DECR2: variants seen among roughly 807,000 people sequenced by gnomAD.
DECR2 encodes 2,4-dienoyl-CoA reductase 2.
Under a neutral mutation model 29.2 loss-of-function variants are expected in DECR2, and 34 were observed. The ratio of observed to expected loss-of-function variants is 1.16; its 90% confidence interval spans 0.89 to 1.55. The LOEUF is 1.55. DECR2 is among the 40% of genes most tolerant of loss of function. The probability of loss-of-function intolerance (pLI) is 0.00; values close to 1 mark genes in which losing one functional copy is unlikely to be tolerated. For synonymous variants in DECR2, 224 were observed against 182.7 expected (o/e 1.23, Z -1.82); for missense variants, 485 against 425.3 (o/e 1.14, Z -1.23).
At chr16:403,824 G>A (rs148089076) in intron 1 of DECR2, among the ~76,000 whole-genome samples, 2 of 152,328 alleles carry the variant, frequency 1.3e-5, no homozygotes, top group African/African-American at 4.8e-5. Flanking sequence ...GCGGCAGTGA[G>A]CCGTGATGGT....
intron 2 of DECR2, 168 bp downstream of exon 2, chr16:405,192 C>T (rs2054710540): frequency 3.9e-6 from 3 of 776,060 alleles, no homozygotes; most frequent in South Asian, 1.8e-5. Flanking sequence ...GAGGATTGCC[C>T]TGGGGGGAGT....
chr16:402,369 G>T lies in DECR2; in HGVS notation c.80+326G>T, dbSNP rs550189061. On this transcript the variant is annotated intron_variant, in intron 1 of 8. Coordinates refer to ENST00000219481, the MANE Select transcript of DECR2 (RefSeq NM_020664.4). ...GGCTCTTTTCGAACTCCTGACCTCA[G>T]GTGATCCACCCGCCTCGGCTTCCCA... Among the ~76,000 whole-genome samples, 15 of 151,848 alleles carry T rather than the reference G, an allele frequency of 9.9e-5. No homozygotes were observed. The East Asian group carries it at 1.6e-3, about 16-fold the overall frequency.
At position 404,352 on chromosome 16, in the gene DECR2, C is replaced by T. The variant is rs566478501; in HGVS notation, c.81-604C>T. On this transcript the variant is annotated intron_variant, in intron 1 of 8. Transcript: ENST00000219481. Reference sequence around the variant, plus strand: ...CTCCTGGGTTCAAGTGATTCTCCTGCCTCAGCCTCCCAAGTAGCTGGGATT... The same window carrying T: ...CTCCTGGGTTCAAGTGATTCTCCTGTCTCAGCCTCCCAAGTAGCTGGGATT... 3.4e-3 allele frequency among the ~76,000 whole-genome samples: 513 copies of T among 151,306 alleles called. 4 individuals are homozygous for T. The highest frequency in any genetic ancestry group is 0.012 in the African/African-American group (485 of 41,482).
Position 406,321 on chromosome 16 carries a change from C to G in DECR2, c.150-25C>G, listed in dbSNP as rs199857748. On this transcript the variant is annotated intron_variant, in intron 2 of 8. Coordinates refer to ENST00000219481, the MANE Select transcript of DECR2 (RefSeq NM_020664.4). Reference sequence around the variant, plus strand: ...GGGAGTGCCCCTCGCCCACACTGCCCTCACACCTGCTTCTGGTTTTGCAGG... The same window carrying G: ...GGGAGTGCCCCTCGCCCACACTGCCGTCACACCTGCTTCTGGTTTTGCAGG... 5.0e-6 allele frequency: 8 copies of G among 1,604,490 alleles called. No homozygotes were observed. In the African/African-American group the frequency reaches 8.0e-5, roughly 16 times the overall value.
At chr16:411,729 C>T (rs2141819114) in intron 8 of DECR2, 151 bp downstream of exon 8, 1 of 842,200 alleles carries the variant, frequency 1.2e-6, no homozygotes, top group Middle Eastern at 2.9e-4. Flanking sequence ...TGGGTGCTGC[C>T]CAGTGGGGCT....
chr16:405,629 A>G (rs755607085), intron 2 of DECR2: 8 of 1,298,318 alleles, frequency 6.2e-6, no homozygotes, highest in African/African-American at 6.1e-5. Flanking sequence ...CGAGAAACCA[A>G]AGAACAAGGC....
intron 1 of DECR2, among the ~76,000 whole-genome samples, chr16:402,545 A>G (rs530074491): frequency 1.7e-4 from 26 of 152,226 alleles, no homozygotes; most frequent in African/African-American, 6.0e-4. Flanking sequence ...TTTTCCTGCA[A>G]ACGCCTTGGT....
intron 4 of DECR2, among the ~76,000 whole-genome samples, chr16:409,206 G>C (rs1171905023): frequency 6.7e-6 from 1 of 148,910 alleles, no homozygotes; most frequent in Non-Finnish European, 1.5e-5. Flanking sequence ...GAGTCTTGCT[G>C]TGTCGCCCAG....
intron 3 of DECR2, chr16:407,125 A>T: frequency 8.4e-7 from 1 of 1,194,420 alleles, no homozygotes; most frequent in Non-Finnish European, 1.0e-6. Context: ...CTGGGAGGAG[A>T]GTCTCACCTG....
chr16:410,929 G>C lies in DECR2; in HGVS notation c.557-43G>C. On this transcript the variant is annotated intron_variant, in intron 6 of 8. Coordinates refer to ENST00000219481, the MANE Select transcript of DECR2 (RefSeq NM_020664.4). This position sits in a 1 kb window ranked among gnomAD's most constrained non-coding sequence, Gnocchi z 4.1. ...CTGGCCTTGGCCCTGCGCCCTCGCA[G>C]AGGGCAGAGCGGCCCTTTCATATCC... 6.4e-7 allele frequency: 1 copy of C among 1,557,302 alleles called. No individual in the cohort carries two copies. The highest frequency in any genetic ancestry group is 2.4e-5 in the East Asian group (1 of 41,768).
chr16:405,866 G>C (rs755808798), intron 2 of DECR2, among the ~76,000 whole-genome samples: 1 of 152,204 alleles, frequency 6.6e-6, no homozygotes, highest in South Asian at 2.1e-4. Context: ...GTGCTCTTTC[G>C]CAAGAACAGT....
rs776994016 is a variant in DECR2, at chr16:405,333, C to T, written c.149+309C>T. 17 of 545,206 alleles carry T rather than the reference C, an allele frequency of 3.1e-5. No homozygotes were observed. In the East Asian group the frequency reaches 4.5e-4, roughly 15 times the overall value. The allele number at this position is 545,206 out of a possible 1,614,324, so 33.8% of individuals were successfully genotyped here. A position where few individuals can be genotyped will look rare whatever the true frequency, so the allele number is the denominator to read the frequency against. ...CTGCAGAGCACATTTTCTCCTGGGA[C>T]ACAATTCTGTGGCTTCAGGCCAGGG... On this transcript the variant is annotated intron_variant, in intron 2 of 8. Transcript: ENST00000219481.
chr16:407,796 G>GTCTCCGGGC (rs1567340476), intron 4 of DECR2, among the ~76,000 whole-genome samples: 1 of 81,786 alleles, frequency 1.2e-5, no homozygotes. Flanking sequence ...CTGTCTCCGG[G>GTCTCCGGGC]CTCTGTCTCC....
intron 4 of DECR2, among the ~76,000 whole-genome samples, chr16:408,934 C>G (rs1456341021): frequency 6.6e-6 from 1 of 151,296 alleles, no homozygotes; most frequent in African/African-American, 2.4e-5. Context: ...CGGGTTCAAG[C>G]AATTCTCCCG....
At chr16:407,312 G>A in intron 3 of DECR2, 113 bp from the exon 4 acceptor site, 1 of 1,480,090 alleles carries the variant, frequency 6.8e-7, no homozygotes, top group Non-Finnish European at 8.9e-7. Context: ...GGGTCCAGCA[G>A]CAAACCCAGG....
Position 401,957 on chromosome 16 carries a change from G to C in DECR2, c.-7G>C, listed in dbSNP as rs2054671107. The C allele has an allele frequency of 3.4e-6, 5 of 1,484,294 alleles. No homozygotes were observed. In the South Asian group the frequency reaches 6.3e-5, roughly 19 times the overall value. The allele number at this position is 1,484,294 out of a possible 1,614,324, so 91.9% of individuals were successfully genotyped here. A position where few individuals can be genotyped will look rare whatever the true frequency, so the allele number is the denominator to read the frequency against. ...CCGTTGTCCCCGCAGTCCCCGACGG[G>C]AGCGCCATGGCCCAGCCGCCGCCCG... On this transcript the variant is annotated 5_prime_UTR_variant, in exon 1 of 9. Transcript: ENST00000219481.
chr16:402,909 C>G (rs1371062619), intron 1 of DECR2: 1 of 382,432 alleles, frequency 2.6e-6, no homozygotes, highest in Non-Finnish European at 3.6e-6. Context: ...CACTTGAACT[C>G]GGGAGGTGGA....
intron 4 of DECR2, among the ~76,000 whole-genome samples, chr16:408,579 C>T (rs2054772359): frequency 6.7e-6 from 1 of 150,088 alleles, no homozygotes; most frequent in Non-Finnish European, 1.5e-5. Context: ...GTGATCATGG[C>T]TTACTGCAGC....
chr16:411,362 TG>T lies in DECR2; in HGVS notation c.665del (p.Gly222AlafsTer6). ...CCTGAGCCTTCTGCTGCCCTCCAGG[TG>T]GCCCTCAGGCCAGCCTGAGCACCAA... ...SGTEGLRRLGGPQASLSTKVT... is the reference protein window; with the variant it reads ...SGTEGLRRLGXPQASLSTKVT... On this transcript the variant is annotated frameshift_variant and splice_region_variant, in exon 8 of 9. Transcript: ENST00000219481. LOFTEE classifies it high-confidence loss of function. The T allele has an allele frequency of 6.2e-7, 1 of 1,604,928 alleles. No individual in the cohort carries two copies.
Sources: gnomAD v4.1 joint callset for allele counts (sites outside exome capture counted in the v4.1 genomes callset) on GRCh38, gnomAD v4.1.1 for gene constraint, Gnocchi (gnomAD v3.1) non-coding constraint, MANE v1.5 for transcripts, NCBI Gene and HGNC (gene_info 2026-07-23, HGNC 2026-07-21) for gene names.